PCDHA5: variants seen among roughly 807,000 people sequenced by gnomAD.
PCDHA5 encodes protocadherin alpha 5.
Under a neutral mutation model 61.6 loss-of-function variants are expected in PCDHA5, and 43 were observed. That is an observed-to-expected ratio of 0.70 (90% confidence interval 0.55 to 0.90). The LOEUF is 0.90. Among genes scored for constraint, PCDHA5 ranks in the 40% least tolerant of loss-of-function variants. The pLI is 0.00. For synonymous variants in PCDHA5, 627 were observed against 543.9 expected, an observed-to-expected ratio of 1.15 and a Z score of -2.13; for missense variants, 1,298 against 1,222.7, an observed-to-expected ratio of 1.06 and a Z score of -0.92.
At chr5:140,841,029 T>C (rs1554137976) in intron 1 of PCDHA5, among the ~76,000 whole-genome samples, 2 of 152,050 alleles carry the variant, frequency 1.3e-5, no homozygotes, top group African/African-American at 2.4e-5. Context: ...GCCTCTGCAA[T>C]TGATAAAGTT....
chr5:140,937,326 C>T (rs1287239556), intron 1 of PCDHA5, among the ~76,000 whole-genome samples: 1 of 152,164 alleles, frequency 6.6e-6, no homozygotes, highest in South Asian at 2.1e-4. Context: ...CGTGAGCCAC[C>T]GCGCCCGGCT....
Position 140,823,128 on chromosome 5 carries a change from T to C in PCDHA5, c.1353T>C (p.Ala451=), listed in dbSNP as rs2150122599. Residue 451 remains alanine, a synonymous_variant, in exon 1 of 4, where the codon GCT becomes GCC. Coordinates refer to ENST00000529859, the MANE Select transcript of PCDHA5 (RefSeq NM_018908.3). ...SVEVADVNDN[A]PAFAQPQYTV... is the part of the protein sequence containing the mutation. ...AAGTGGCCGACGTGAACGACAACGC[T>C]CCGGCGTTCGCGCAGCCCCAGTATA... is the stretch of plus-strand genomic sequence containing the variant. 1.9e-6 allele frequency: 3 copies of C among 1,613,702 alleles called. No homozygotes were observed. The highest frequency in any genetic ancestry group is 1.7e-4 in the Middle Eastern group (1 of 6,024).
intron 1 of PCDHA5, among the ~76,000 whole-genome samples, chr5:140,898,335 A>C (rs1232674937): frequency 2.6e-5 from 4 of 152,208 alleles, no homozygotes; most frequent in African/African-American, 9.6e-5. Context: ...CTAACGTTTA[A>C]GTCTTTAATC....
chr5:140,950,556 A>G (rs2094497175), intron 1 of PCDHA5, among the ~76,000 whole-genome samples: 2 of 152,036 alleles, frequency 1.3e-5, no homozygotes, highest in Non-Finnish European at 2.9e-5. Context: ...CTGGGGGGAC[A>G]CTTATTTTAA....
At position 140,841,809 on chromosome 5, in the gene PCDHA5, G is replaced by A. The variant is rs2150323100; in HGVS notation, c.2352+17682G>A. The A allele has an allele frequency of 7.4e-6, 12 of 1,613,786 alleles. 1 individual carries two copies. In the African/African-American group the frequency reaches 1.3e-4, roughly 18 times the overall value. On this transcript the variant is annotated intron_variant, in intron 1 of 3. Coordinates refer to ENST00000529859, the MANE Select transcript of PCDHA5 (RefSeq NM_018908.3). ...GAGGGCGCGTCCGATGCAGATGTTG[G>A]AGCTAACTCCGTGTTAACCTACAGG...
In PCDHA5 at chr5:140,870,598, G is replaced by A. The variant is rs1273087028; in HGVS notation, c.2352+46471G>A. On this transcript the variant is annotated intron_variant, in intron 1 of 3. Transcript: ENST00000529859. Reference sequence around the variant, plus strand: ...CTACTCGCTGGTGGAGCGGCGGTTGGGCGACCGCGCGCTGTCGAGCTACGT... The same window carrying A: ...CTACTCGCTGGTGGAGCGGCGGTTGAGCGACCGCGCGCTGTCGAGCTACGT... The A allele has an allele frequency of 3.7e-6, 6 of 1,613,282 alleles. No individual in the cohort carries two copies. The African/African-American group carries it at 8.0e-5, about 22-fold the overall frequency.
intron 1 of PCDHA5, among the ~76,000 whole-genome samples, chr5:140,827,743 G>T (rs1236094358): frequency 6.6e-6 from 1 of 152,224 alleles, no homozygotes; most frequent in Non-Finnish European, 1.5e-5. Flanking sequence ...TGAATAATTA[G>T]ATCCCTTACT....
intron 1 of PCDHA5, chr5:140,883,301 G>C (rs1380648584): frequency 1.2e-6 from 2 of 1,613,968 alleles, no homozygotes; most frequent in African/African-American, 1.3e-5. Flanking sequence ...AGATGTAAAT[G>C]ATAACGCCCC....
intron 1 of PCDHA5, among the ~76,000 whole-genome samples, chr5:140,902,016 T>C (rs541579348): frequency 1.3e-5 from 2 of 152,274 alleles, no homozygotes; most frequent in South Asian, 4.1e-4. Context: ...TTGGGACATA[T>C]AGAAATACTA....
In PCDHA5 at chr5:140,840,083, C is replaced by G. The variant is rs2150303181; in HGVS notation, c.2352+15956C>G. Among the ~76,000 whole-genome samples, 6 of 151,974 alleles carry G rather than the reference C, an allele frequency of 3.9e-5. No individual in the cohort carries two copies. The East Asian group carries it at 7.7e-4, about 20-fold the overall frequency. On this transcript the variant is annotated intron_variant, in intron 1 of 3. Coordinates refer to ENST00000529859, the MANE Select transcript of PCDHA5 (RefSeq NM_018908.3). The stretch of plus-strand genomic sequence containing the variant: ...GACAATTAGTCAATAGAAAGATAAA[C>G]TTGTTGAAGATTTTAGTGAAATCGA...
intron 3 of PCDHA5, among the ~76,000 whole-genome samples, chr5:140,990,586 A>G (rs544396898): frequency 7.2e-5 from 11 of 152,284 alleles, no homozygotes; most frequent in African/African-American, 2.6e-4. Flanking sequence ...CTTTTCCTAT[A>G]ATCACCTGGA....
intron 1 of PCDHA5, among the ~76,000 whole-genome samples, chr5:140,891,443 T>C (rs1181273099): frequency 6.7e-6 from 1 of 148,474 alleles, no homozygotes; most frequent in Non-Finnish European, 1.5e-5. Flanking sequence ...GTCCATTGTA[T>C]AGGATTTTTG....
At chr5:140,868,071 TTTTA>T (rs2050265335) in intron 1 of PCDHA5, 1 of 152,116 alleles carries the variant, frequency 6.6e-6, no homozygotes. Flanking sequence ...TTCAGGGTGA[TTTTA>T]TTTATTTTAT....
At position 140,856,397 on chromosome 5, in the gene PCDHA5, C is replaced by T. The variant is rs782776522; in HGVS notation, c.2352+32270C>T. On this transcript the variant is annotated intron_variant, in intron 1 of 3. Coordinates refer to ENST00000529859, the MANE Select transcript of PCDHA5 (RefSeq NM_018908.3). ...CGTGGACAGGCCGCTGCAGGTTTTC[C>T]ATGTGGACGTGGAAGTGAAGGACAT... 3.6e-5 allele frequency: 58 copies of T among 1,598,382 alleles called. 7 individuals carry two copies. In the Admixed American group the frequency reaches 4.9e-4, roughly 13 times the overall value.
intron 1 of PCDHA5, chr5:140,928,001 A>T (rs1252162846): frequency 6.2e-7 from 1 of 1,614,034 alleles, no homozygotes; most frequent in Non-Finnish European, 8.5e-7. Flanking sequence ...GAAGACCTCG[A>T]TTCTAATGGT....
At chr5:140,870,771 C>A (rs370490786) in intron 1 of PCDHA5, 1 of 1,613,466 alleles carries the variant, frequency 6.2e-7, no homozygotes, top group Non-Finnish European at 8.5e-7. Context: ...TCGTGCTGGA[C>A]GAGAACGACA....
chr5:140,901,268 T>C (rs185427298), intron 1 of PCDHA5, among the ~76,000 whole-genome samples: 57 of 152,328 alleles, frequency 3.7e-4, no homozygotes, highest in African/African-American at 1.3e-3. Context: ...TGTGGGGTAT[T>C]ACTCAAGAAA....
chr5:140,927,421 G>A, intron 1 of PCDHA5: 2 of 1,614,208 alleles, frequency 1.2e-6, no homozygotes, highest in South Asian at 1.1e-5. Flanking sequence ...GGGATCGCGG[G>A]TTGACGGCAG....
chr5:140,871,873 A>G (rs529401892), intron 1 of PCDHA5, among the ~76,000 whole-genome samples: 44 of 152,336 alleles, frequency 2.9e-4, no homozygotes, highest in African/African-American at 1.0e-3. Flanking sequence ...GATTATTTAA[A>G]TTTGCTCCTC....
Sources: gnomAD v4.1 joint callset for allele counts (sites outside exome capture counted in the v4.1 genomes callset) on GRCh38, gnomAD v4.1.1 for gene constraint, MANE v1.5 for transcripts, NCBI Gene and HGNC (gene_info 2026-07-23, HGNC 2026-07-21) for gene names.